The following CYB5R3 variants were observed in gnomAD, a reference collection of about 807,000 sequenced individuals.
CYB5R3 encodes NADH-cytochrome b5 reductase 3.
In CYB5R3, 28 loss-of-function variants were observed where a neutral mutation model predicts 36.5. The observed-to-expected ratio is 0.77, with a 90% CI of 0.57 to 1.05. The LOEUF is 1.05. CYB5R3 is among the 50% of genes least tolerant of loss of function. CYB5R3 has a pLI of 0.00. For synonymous variants in CYB5R3, 181 were observed against 159.8 expected, an observed-to-expected ratio of 1.13 and a Z score of -1.00; for missense variants, 474 against 408.9, an observed-to-expected ratio of 1.16 and a Z score of -1.37.
At chr22:42,622,588 T>C (rs1928040992) in intron 8 of CYB5R3, among the ~76,000 whole-genome samples, 1 of 152,130 alleles carries the variant, frequency 6.6e-6, no homozygotes, top group Admixed American at 6.5e-5. Context: ...AAGCTGGTCA[T>C]CTGAGAAGGG....
At chr22:42,625,439 C>T (rs762816846) in intron 7 of CYB5R3, among the ~76,000 whole-genome samples, 7 of 152,202 alleles carry the variant, frequency 4.6e-5, no homozygotes, top group South Asian at 2.1e-4. Flanking sequence ...ACCCGGGAGG[C>T]GGAGGTTGCA....
In CYB5R3 at chr22:42,649,297, T is replaced by C; in HGVS notation, c.19A>G (p.Thr7Ala). Reference protein sequence around the residue: MGAQLSTLGHMVLFPVW... With the variant: MGAQLSALGHMVLFPVW... ...CCCGGCGCCCCCTCCCCGCCTACCG[T>C]GCTGAGCTGGGCCCCCATGGTGGCC... Residue 7 changes from threonine (T) to alanine (A), a missense_variant and splice_region_variant, in exon 1 of 9, where the codon ACG (threonine) becomes GCG (alanine). Physicochemically the swap from Thr to Ala is moderately conservative, Grantham distance 58. Coordinates refer to ENST00000352397, the MANE Select transcript of CYB5R3 (RefSeq NM_000398.7). 9.8e-7 allele frequency: 1 copy of C among 1,025,552 alleles called. No homozygotes were observed. Among genetic ancestry groups the C allele is most frequent in the Non-Finnish European group, 1.2e-6 (1 of 853,508 alleles). The allele number at this position is 1,025,552 out of a possible 1,614,324, so 63.5% of individuals were successfully genotyped here. A position where few individuals can be genotyped will look rare whatever the true frequency, so the allele number is the denominator to read the frequency against.
In CYB5R3 at chr22:42,640,350, CTTATTTATTTATTTATTTATTTAT is replaced by C. The variant is rs76854423; in HGVS notation, c.22-3528_22-3505del. ...CCCCGGAAGGACCCTGCGTGGTTCACTTATTTATTTATTTATTTATTTATTTATTTATTTATTTATTTATTTGAG... is the reference window on the plus strand; with the variant it reads ...CCCCGGAAGGACCCTGCGTGGTTCACTTATTTATTTATTTATTTATTTGAG... On this transcript the variant is annotated intron_variant, in intron 1 of 8. Transcript: ENST00000352397. The C allele has an allele frequency of 4.0e-5, 19 of 476,880 alleles. 2 individuals carry two copies. Among genetic ancestry groups the C allele is most frequent in the South Asian group, 1.7e-4 (2 of 12,050 alleles). 29.5% of individuals were successfully genotyped at this position (476,880 alleles called of 1,614,324 possible). A position where few individuals can be genotyped will look rare whatever the true frequency, so the allele number is the denominator to read the frequency against.
In CYB5R3 at chr22:42,644,516, G is replaced by C. The variant is rs1359736227; in HGVS notation, c.21+4779C>G. On this transcript the variant is annotated intron_variant, in intron 1 of 8. Coordinates refer to ENST00000352397, the MANE Select transcript of CYB5R3 (RefSeq NM_000398.7). ...CCAGCAAACTCCTATTCATTCCTCA[G>C]AGCCTAGCTCAAACATCAAATCTTC... 3 of 1,374,226 alleles carry C rather than the reference G, an allele frequency of 2.2e-6. No individual in the cohort carries two copies. The Admixed American group carries it at 5.9e-5, about 27-fold the overall frequency. The allele number at this position is 1,374,226 out of a possible 1,614,324, so 85.1% of individuals were successfully genotyped here. A position where few individuals can be genotyped will look rare whatever the true frequency, so the allele number is the denominator to read the frequency against.
chr22:42,640,163 G>C, intron 1 of CYB5R3: 1 of 1,613,044 alleles, frequency 6.2e-7, no homozygotes, highest in Non-Finnish European at 8.5e-7. Context: ...GGAGGAACCA[G>C]CTCAACCGTG....
Position 42,640,222 on chromosome 22 carries a change from G to A in CYB5R3, c.22-3376C>T, listed in dbSNP as rs1384936878. ...TCGAGGCTTCAAGTAAGTCACAGCA[G>A]CATTCACCAGTGCTGGGGTCTTCTC... On this transcript the variant is annotated intron_variant, in intron 1 of 8. Coordinates refer to ENST00000352397, the MANE Select transcript of CYB5R3 (RefSeq NM_000398.7). 3.1e-6 allele frequency: 5 copies of A among 1,596,824 alleles called. No homozygotes were observed. In the Admixed American group the frequency reaches 8.6e-5, roughly 28 times the overall value.
At chr22:42,648,045 C>T (rs375037212) in intron 1 of CYB5R3, among the ~76,000 whole-genome samples, 129 of 152,272 alleles carry the variant, frequency 8.5e-4, no homozygotes, top group African/African-American at 3.0e-3. Context: ...GAGGCAGATG[C>T]TTTCTGGGGA....
At chr22:42,641,782 G>T (rs1929286742) in intron 1 of CYB5R3, among the ~76,000 whole-genome samples, 2 of 152,048 alleles carry the variant, frequency 1.3e-5, no homozygotes, top group Admixed American at 1.3e-4. Flanking sequence ...CACAGCGCCT[G>T]GCCAATTTTT....
At chr22:42,645,696 C>T (rs1929505584) in intron 1 of CYB5R3, among the ~76,000 whole-genome samples, 2 of 152,186 alleles carry the variant, frequency 1.3e-5, no homozygotes, top group South Asian at 4.1e-4. Flanking sequence ...CATGACTCCT[C>T]CCACTTCAGG....
chr22:42,647,573 C>CCCTGTCTCTACTAAAAGTACAAAAAACAG (rs376525577), intron 1 of CYB5R3, among the ~76,000 whole-genome samples: 2 of 151,642 alleles, frequency 1.3e-5, no homozygotes, highest in African/African-American at 4.8e-5. Flanking sequence ...GATGGCGAAG[C>CCCTGTCTCTACTAAAAGTACAAAAAACAG]CCAGGTGTGA....
At chr22:42,641,222 T>C (rs778633167) in intron 1 of CYB5R3, among the ~76,000 whole-genome samples, 1 of 152,222 alleles carries the variant, frequency 6.6e-6, no homozygotes, top group Non-Finnish European at 1.5e-5. Context: ...ATATAATACA[T>C]ACAATATACA....
chr22:42,623,680 T>C (rs887778388), intron 8 of CYB5R3, 109 bp downstream of exon 8: 4 of 879,698 alleles, frequency 4.5e-6, no homozygotes, highest in Admixed American at 1.8e-5. Context: ...CACAGGGCCA[T>C]AGTGAGTGCC....
At chr22:42,631,070 C>T (rs1928590790) in intron 3 of CYB5R3, 82 bp from the exon 4 acceptor site, 2 of 1,239,676 alleles carry the variant, frequency 1.6e-6, no homozygotes, top group Admixed American at 1.9e-5. Flanking sequence ...CTCCCCTGCA[C>T]CCCACCCGGC....
At chr22:42,623,981 C>CG in intron 7 of CYB5R3, 93 bp from the exon 8 acceptor site, 1 of 1,092,420 alleles carries the variant, frequency 9.2e-7, no homozygotes, top group Non-Finnish European at 1.4e-6. Flanking sequence ...TCGCGCCCGC[C>CG]TGCGGGCCAC....
rs143374818 is a variant in CYB5R3, at chr22:42,645,384, C to T, written c.21+3911G>A. Among the ~76,000 whole-genome samples the T allele has an allele frequency of 4.1e-3, 626 of 152,302 alleles. 4 individuals carry two copies. Among genetic ancestry groups the T allele is most frequent in the African/African-American group, 0.015 (608 of 41,558 alleles). On this transcript the variant is annotated intron_variant, in intron 1 of 8. Coordinates refer to ENST00000352397, the MANE Select transcript of CYB5R3 (RefSeq NM_000398.7). The stretch of plus-strand genomic sequence containing the variant: ...AAGAGCCCAGACTCCTGGATGAGGG[C>T]GCGGCACAGCCTGTCCTGTTTGTCA...
rs545003651 is a variant in CYB5R3, at chr22:42,624,020, C to T, written c.634-132G>A. 1,159 of 755,924 alleles carry T rather than the reference C, an allele frequency of 1.5e-3. 3 individuals are homozygous for T. The highest frequency in any genetic ancestry group is 2.3e-3 in the Non-Finnish European group (1,015 of 438,966). 46.8% of individuals were successfully genotyped at this position (755,924 alleles called of 1,614,324 possible). On this transcript the variant is annotated intron_variant, in intron 7 of 8. Coordinates refer to ENST00000352397, the MANE Select transcript of CYB5R3 (RefSeq NM_000398.7). ...CTTGCGGAGCTTTCAGGAGGGGACT[C>T]GGCCAGAGATCACCCTGGCACCCCT...
At chr22:42,640,262 C>A (rs1485234483) in intron 1 of CYB5R3, 1 of 1,563,006 alleles carries the variant, frequency 6.4e-7, no homozygotes, top group Non-Finnish European at 8.6e-7. Context: ...AGGTTACGGA[C>A]AAATGGAGCC....
chr22:42,626,336 G>A (rs955981533), intron 7 of CYB5R3, among the ~76,000 whole-genome samples: 19 of 152,132 alleles, frequency 1.2e-4, no homozygotes, highest in African/African-American at 4.3e-4. Context: ...ATAAAACCCT[G>A]GTTTGCATCC....
chr22:42,642,640 G>A (rs1434147160), intron 1 of CYB5R3, among the ~76,000 whole-genome samples: 1 of 152,026 alleles, frequency 6.6e-6, no homozygotes, highest in Admixed American at 6.5e-5. Context: ...GGGTTTCACT[G>A]CGTTAGCCAG....
Sources: allele counts gnomAD v4.1 joint callset (sites outside exome capture counted in the v4.1 genomes callset), GRCh38; gene constraint gnomAD v4.1.1; transcripts MANE v1.5; gene names NCBI Gene and HGNC (gene_info 2026-07-23, HGNC 2026-07-21).